Variants in PDE4D observed in about 807,000 individuals in gnomAD.
PDE4D encodes phosphodiesterase 4D, also known as 3',5'-cyclic-AMP phosphodiesterase 4D.
A neutral mutation model predicts 87.4 loss-of-function variants in PDE4D; 24 were observed. That is an observed-to-expected ratio of 0.27 (90% CI 0.20 to 0.39). The LOEUF (loss-of-function observed/expected upper bound fraction) is 0.39. Ranked by LOEUF, PDE4D falls within the 10% of genes least tolerant of loss-of-function variation. The pLI, the probability that PDE4D is intolerant of heterozygous loss-of-function variation, is 1.00. For missense variants in PDE4D, 714 were observed against 1,041.0 expected, an observed-to-expected ratio of 0.69 and a Z score of 4.32; for synonymous variants, 384 against 383.2, an observed-to-expected ratio of 1.00 and a Z score of -0.02.
chr5:60,291,011 G>C (rs1296091919), intron 1 of PDE4D, among the ~76,000 whole-genome samples: 1 of 152,168 alleles, frequency 6.6e-6, no homozygotes, highest in Non-Finnish European at 1.5e-5. Context: ...GAAATGTTCT[G>C]CACTGTCTCG....
At chr5:59,643,466 T>C (rs139519226) in intron 1 of PDE4D, among the ~76,000 whole-genome samples, 1 of 152,340 alleles carries the variant, frequency 6.6e-6, no homozygotes, top group African/African-American at 2.4e-5. Context: ...GGGGGTGATA[T>C]ATATTTGTGT....
chr5:59,796,127 A>G (rs1474294914), intron 1 of PDE4D, among the ~76,000 whole-genome samples: 1 of 152,200 alleles, frequency 6.6e-6, no homozygotes, highest in Admixed American at 6.5e-5. Context: ...AGCCCTAGGA[A>G]ATGAATACAG....
intron 1 of PDE4D, among the ~76,000 whole-genome samples, chr5:59,644,496 G>A (rs1364250754): frequency 6.6e-6 from 1 of 152,132 alleles, no homozygotes; most frequent in South Asian, 2.1e-4. Context: ...CAAAATTAGT[G>A]CCTCTATATT....
Position 59,893,583 on chromosome 5 carries a change from T to C in PDE4D, c.40A>G (p.Ser14Gly). Reference protein sequence around the residue: ...EGSSAPARAGSGEGSDSAGGA... With the variant: ...EGSSAPARAGGGEGSDSAGGA... ...CCGGCGCTGTCGCTGCCCTCTCCGC[T>C]GCCCGCCCGGGCCGGCGCGCTGCTG... is the stretch of plus-strand genomic sequence containing the variant. Residue 14 changes from serine (S) to glycine (G), a missense_variant, in exon 1 of 15, where the codon AGC becomes GGC. By Grantham distance (56) the Ser-to-Gly change is moderately conservative. This residue lies in a region of PDE4D where 268 missense variants were observed against 272.9 expected (regional missense o/e 0.98). Coordinates refer to ENST00000340635, the MANE Select transcript of PDE4D (RefSeq NM_001104631.2). The C allele has an allele frequency of 6.6e-7, 1 of 1,524,110 alleles. No homozygotes were observed. 94.4% of individuals were successfully genotyped at this position (1,524,110 alleles called of 1,614,324 possible). A position where few individuals can be genotyped will look rare whatever the true frequency, so the allele number is the denominator to read the frequency against.
At chr5:59,455,740 AG>A in intron 1 of PDE4D, among the ~76,000 whole-genome samples, 1 of 152,252 alleles carries the variant, frequency 6.6e-6, no homozygotes, top group Non-Finnish European at 1.5e-5. Flanking sequence ...GCCAGGAAGG[AG>A]GCTGCACCCT....
intron 1 of PDE4D, among the ~76,000 whole-genome samples, chr5:59,775,338 A>T (rs1447140848): frequency 6.6e-6 from 1 of 152,204 alleles, no homozygotes; most frequent in East Asian, 1.9e-4. Context: ...GTACTAGATC[A>T]TCCCTTAGCC....
intron 2 of PDE4D, among the ~76,000 whole-genome samples, chr5:60,152,915 T>C (rs1323112120): frequency 6.6e-6 from 1 of 152,244 alleles, no homozygotes; most frequent in Non-Finnish European, 1.5e-5. Context: ...TTGTACCATC[T>C]CTTTCATTTG....
chr5:60,459,462 G>C (rs1229737611), intron 1 of PDE4D, among the ~76,000 whole-genome samples: 1 of 151,916 alleles, frequency 6.6e-6, no homozygotes, highest in Admixed American at 6.6e-5. Flanking sequence ...TATTCACATA[G>C]AGACACCGTG....
rs185485341 is a variant in PDE4D, at chr5:59,722,627, A to G, written c.455+170541T>C. Among the ~76,000 whole-genome samples the G allele has an allele frequency of 2.1e-3, 325 of 152,264 alleles. 3 individuals carry two copies. Among genetic ancestry groups the G allele is most frequent in the Admixed American group, 0.02 (300 of 15,280 alleles). On this transcript the variant is annotated intron_variant, in intron 1 of 14. Coordinates refer to ENST00000340635, the MANE Select transcript of PDE4D (RefSeq NM_001104631.2). ...TCTATAAGAAATCTAAAGTGAGTAGAATGATCTGTCTCAAGACATTAAATA... is the reference window on the plus strand; with the variant it reads ...TCTATAAGAAATCTAAAGTGAGTAGGATGATCTGTCTCAAGACATTAAATA...
At chr5:60,005,100 C>T (rs7718227) in intron 2 of PDE4D, among the ~76,000 whole-genome samples, 2,834 of 152,104 alleles carry the variant, frequency 0.019, 88 homozygotes, top group African/African-American at 0.065. Context: ...GGTGTATATA[C>T]AATGGAATAT....
intron 1 of PDE4D, among the ~76,000 whole-genome samples, chr5:59,610,295 C>T (rs1828817377): frequency 1.3e-5 from 2 of 152,160 alleles, no homozygotes; most frequent in South Asian, 2.1e-4. Flanking sequence ...GCTATTGAGA[C>T]TGGAGAACTG....
chr5:59,891,278 A>T (rs1201794548), intron 1 of PDE4D, among the ~76,000 whole-genome samples: 2 of 152,224 alleles, frequency 1.3e-5, no homozygotes, highest in Non-Finnish European at 2.9e-5. Flanking sequence ...TCTCAGGCAT[A>T]TTCTATTTTA....
intron 1 of PDE4D, among the ~76,000 whole-genome samples, chr5:59,635,519 C>T (rs975235790): frequency 1.6e-4 from 24 of 152,222 alleles, no homozygotes; most frequent in Non-Finnish European, 2.8e-4. Context: ...AATCCAGCAA[C>T]GCATTAAAAA....
At chr5:59,206,624 A>C (rs181831433) in intron 2 of PDE4D, among the ~76,000 whole-genome samples, 1 of 152,356 alleles carries the variant, frequency 6.6e-6, no homozygotes, top group African/African-American at 2.4e-5. Flanking sequence ...ATTTTTAAAA[A>C]TTAAATAAAG....
At chr5:59,953,683 C>A (rs984785887) in intron 3 of PDE4D, among the ~76,000 whole-genome samples, 1 of 152,046 alleles carries the variant, frequency 6.6e-6, no homozygotes, top group Non-Finnish European at 1.5e-5. Flanking sequence ...GCTCACAGTG[C>A]TATAAATTAC....
intron 1 of PDE4D, among the ~76,000 whole-genome samples, chr5:59,847,380 C>A (rs938697295): frequency 1.3e-5 from 2 of 152,116 alleles, no homozygotes; most frequent in South Asian, 4.1e-4. Flanking sequence ...GAGTTGAATT[C>A]AACCTCATTC....
chr5:59,608,271 T>C (rs1411729914), intron 1 of PDE4D, among the ~76,000 whole-genome samples: 1 of 152,174 alleles, frequency 6.6e-6, no homozygotes, highest in African/African-American at 2.4e-5. Context: ...CCTCTATTTC[T>C]AATTCCTCCC....
chr5:59,086,302 C>T (rs1250864213), intron 5 of PDE4D, among the ~76,000 whole-genome samples: 1 of 152,104 alleles, frequency 6.6e-6, no homozygotes, highest in Non-Finnish European at 1.5e-5. Context: ...ACCCAGAATC[C>T]ATACCTCCTC....
intron 5 of PDE4D, among the ~76,000 whole-genome samples, chr5:59,162,657 C>T (rs116516612): frequency 0.037 from 5,502 of 148,980 alleles, 347 homozygotes; most frequent in African/African-American, 0.13. Context: ...TGGGCAACAT[C>T]GTGAGATCCT....
Sources: allele counts gnomAD v4.1 joint callset (sites outside exome capture counted in the v4.1 genomes callset), GRCh38; gene constraint gnomAD v4.1.1; regional missense constraint gnomAD v4.1.1; transcripts MANE v1.5; gene names NCBI Gene and HGNC (gene_info 2026-07-23, HGNC 2026-07-21).